IYD: variants seen among roughly 807,000 people sequenced by gnomAD.
IYD encodes the protein iodotyrosine deiodinase, also known as iodotyrosine deiodinase 1.
In IYD, 25 loss-of-function variants were observed where a neutral mutation model predicts 28.4. The observed-to-expected ratio is 0.88, with a 90% confidence interval of 0.64 to 1.23. The LOEUF is 1.23. Among genes scored for constraint, IYD ranks in the 50% most tolerant of loss-of-function variants. IYD has a pLI of 0.00. For missense variants in IYD, 352 were observed against 357.9 expected, an observed-to-expected ratio of 0.98 and a Z score of 0.13; for synonymous variants, 140 against 130.8, an observed-to-expected ratio of 1.07 and a Z score of -0.48.
intron 4 of IYD, among the ~76,000 whole-genome samples, chr6:150,395,151 G>A (rs1778265550): frequency 6.6e-6 from 1 of 152,148 alleles, no homozygotes; most frequent in African/African-American, 2.4e-5. Context: ...GCAGTTCCTG[G>A]GAGCCACTGG....
intron 1 of IYD, among the ~76,000 whole-genome samples, chr6:150,373,008 A>G (rs972712426): frequency 6.6e-6 from 1 of 152,220 alleles, no homozygotes; most frequent in Admixed American, 6.5e-5. Context: ...ATAGAAGTCC[A>G]TAGAAATGGG....
intron 4 of IYD, chr6:150,396,503 A>T: frequency 2.9e-6 from 2 of 699,358 alleles, no homozygotes; most frequent in South Asian, 1.5e-5. Context: ...AAAATTCAGT[A>T]TGGAGTAAAA....
rs1425640694 is a variant in IYD at position 150,404,478 on chromosome 6, T to C, written c.*6241T>C. 2.6e-5 allele frequency: 4 copies of C among 152,240 alleles called. No individual in the cohort carries two copies. Among genetic ancestry groups the C allele is most frequent in the Non-Finnish European group, 5.9e-5 (4 of 68,042 alleles). The allele number at this position is 152,240 out of a possible 1,614,324, so 9.4% of individuals were successfully genotyped here. A position where few individuals can be genotyped will look rare whatever the true frequency, so the allele number is the denominator to read the frequency against. ...TTTAATGTATTAGATTTACAAGAGA[T>C]GCTTAAATATATGAGAATGTTTTGT... On this transcript the variant is annotated 3_prime_UTR_variant, in exon 5 of 5. Coordinates refer to ENST00000344419, the MANE Select transcript of IYD (RefSeq NM_203395.3).
rs112208734 is a variant in IYD, at chr6:150,375,564, G to A, written c.178+6355G>A. Among the ~76,000 whole-genome samples, 416 of 152,270 alleles carry A rather than the reference G, an allele frequency of 2.7e-3. 1 individual carries two copies. The highest frequency in any genetic ancestry group is 6.4e-3 in the African/African-American group (266 of 41,548). On this transcript the variant is annotated intron_variant, in intron 1 of 4. Coordinates refer to ENST00000344419, the MANE Select transcript of IYD (RefSeq NM_203395.3). ...GCATAGGAACAGCGGGGATGCAAACGGTCAGTATCTACTAGTGCTATGAGA... is the reference window on the plus strand; with the variant it reads ...GCATAGGAACAGCGGGGATGCAAACAGTCAGTATCTACTAGTGCTATGAGA...
intron 1 of IYD, among the ~76,000 whole-genome samples, chr6:150,386,982 G>A (rs1031751253): frequency 1.3e-5 from 2 of 151,932 alleles, no homozygotes; most frequent in Non-Finnish European, 2.9e-5. Flanking sequence ...AGTTATTTCT[G>A]TGTTCTTCCC....
At chr6:150,388,922 G>A (rs9322259) in intron 1 of IYD, among the ~76,000 whole-genome samples, 22,951 of 151,922 alleles carry the variant, frequency 0.15, 3,422 homozygotes, top group African/African-American at 0.37. Flanking sequence ...GGCTGGTCTC[G>A]AACTCCCAAC....
rs865990507 is a variant in IYD, at chr6:150,370,611, C to T, written c.178+1402C>T. 8 of 985,410 alleles carry T rather than the reference C, an allele frequency of 8.1e-6. No homozygotes were observed. In the African/African-American group the frequency reaches 1.0e-4, roughly 13 times the overall value. The allele number at this position is 985,410 out of a possible 1,614,324, so 61.0% of individuals were successfully genotyped here. On this transcript the variant is annotated intron_variant, in intron 1 of 4. Transcript: ENST00000344419. ...ACCTCTTCCACTCAGAACGTCAATT[C>T]TACCCAGCGGAGAAGCACTTCCCTT...
intron 4 of IYD, among the ~76,000 whole-genome samples, chr6:150,397,526 T>C (rs1296487982): frequency 7.1e-6 from 1 of 141,374 alleles, no homozygotes; most frequent in East Asian, 2.1e-4. Context: ...GCCGAGATCA[T>C]GCCACTGCAC....
intron 2 of IYD, among the ~76,000 whole-genome samples, chr6:150,390,184 G>A (rs1291586725): frequency 6.6e-6 from 1 of 152,100 alleles, no homozygotes; most frequent in Non-Finnish European, 1.5e-5. Context: ...CCATATTTAA[G>A]TTTATTTGCA....
rs1778481462 is a variant in IYD at position 150,400,631 on chromosome 6, G to A, written c.*2394G>A. 6.6e-6 allele frequency: 1 copy of A among 152,242 alleles called. No homozygotes were observed. Among genetic ancestry groups the A allele is most frequent in the African/African-American group, 2.4e-5 (1 of 41,464 alleles). 9.4% of individuals were successfully genotyped at this position (152,242 alleles called of 1,614,324 possible). A position where few individuals can be genotyped will look rare whatever the true frequency, so the allele number is the denominator to read the frequency against. On this transcript the variant is annotated 3_prime_UTR_variant, in exon 5 of 5. Coordinates refer to ENST00000344419, the MANE Select transcript of IYD (RefSeq NM_203395.3). Reference sequence around the variant, plus strand: ...CTATTTAAGGAGTGAGTGTCACTGTGGGAAGAATAAGAGGGGGACTGTCTT... The same window carrying A: ...CTATTTAAGGAGTGAGTGTCACTGTAGGAAGAATAAGAGGGGGACTGTCTT...
chr6:150,392,547 TA>T (rs1778162071), intron 3 of IYD, 43 bp downstream of exon 3: 1 of 1,595,946 alleles, frequency 6.3e-7, no homozygotes, highest in Non-Finnish European at 8.6e-7. Context: ...CTTGGCCTCT[TA>T]AAATAAAATC....
intron 1 of IYD, among the ~76,000 whole-genome samples, chr6:150,380,327 C>G (rs1777602347): frequency 6.6e-6 from 1 of 152,162 alleles, no homozygotes; most frequent in South Asian, 2.1e-4. Flanking sequence ...ACTACCACTA[C>G]CACTACCACA....
rs564701302 is a variant in IYD, at chr6:150,396,379, G to A, written c.688-1676G>A. 27 of 610,602 alleles carry A rather than the reference G, an allele frequency of 4.4e-5. 1 individual carries two copies. Among genetic ancestry groups the A allele is most frequent in the South Asian group, 4.0e-4 (20 of 49,658 alleles). 37.8% of individuals were successfully genotyped at this position (610,602 alleles called of 1,614,324 possible). A position where few individuals can be genotyped will look rare whatever the true frequency, so the allele number is the denominator to read the frequency against. On this transcript the variant is annotated intron_variant, in intron 4 of 4. Transcript: ENST00000344419. The stretch of plus-strand genomic sequence containing the variant: ...ATAATAAGACCAAAGTACTCACATC[G>A]AGAGAGTGAAAGATAAAATAATAAT...
chr6:150,394,859 C>T (rs1236781694), intron 4 of IYD, among the ~76,000 whole-genome samples: 2 of 152,214 alleles, frequency 1.3e-5, no homozygotes, highest in African/African-American at 2.4e-5. Flanking sequence ...GACAGGGTCT[C>T]ATTGTGTCAC....
intron 1 of IYD, among the ~76,000 whole-genome samples, chr6:150,383,321 CT>C (rs1433132867): frequency 6.6e-6 from 1 of 152,092 alleles, no homozygotes; most frequent in Non-Finnish European, 1.5e-5. Flanking sequence ...GGGATTTTGG[CT>C]TTTGTCATCA....
chr6:150,392,194 A>C, intron 2 of IYD, 151 bp from the exon 3 acceptor site: 1 of 1,106,686 alleles, frequency 9.0e-7, no homozygotes, highest in Non-Finnish European at 1.3e-6. Context: ...ACACCCTGCT[A>C]GTTAAAAAAA....
rs1359788054 is a variant in IYD, at chr6:150,392,635, G to C, written c.530+131G>C. On this transcript the variant is annotated intron_variant, in intron 3 of 4. Coordinates refer to ENST00000344419, the MANE Select transcript of IYD (RefSeq NM_203395.3). Reference sequence around the variant, plus strand: ...TATTCTGCCTCTTGGAGGAATTACGGAAGTTAAGTCCGGGCTCACTCCTGT... The same window carrying C: ...TATTCTGCCTCTTGGAGGAATTACGCAAGTTAAGTCCGGGCTCACTCCTGT... 5 of 923,716 alleles carry C rather than the reference G, an allele frequency of 5.4e-6. No individual in the cohort carries two copies. In the East Asian group the frequency reaches 1.3e-4, roughly 24 times the overall value. The allele number at this position is 923,716 out of a possible 1,614,324, so 57.2% of individuals were successfully genotyped here.
chr6:150,384,190 T>C (rs1777774654), intron 1 of IYD: 2 of 152,186 alleles, frequency 1.3e-5, no homozygotes, highest in South Asian at 2.1e-4. Flanking sequence ...TGTTCTTATC[T>C]AAGTAGGAGT....
intron 1 of IYD, chr6:150,384,294 G>T (rs535097657): frequency 2.0e-5 from 3 of 152,284 alleles, no homozygotes; most frequent in South Asian, 4.1e-4. Context: ...TTGTGTAAAA[G>T]AACCATCTAC....
Sources: allele counts gnomAD v4.1 joint callset (sites outside exome capture counted in the v4.1 genomes callset), GRCh38; gene constraint gnomAD v4.1.1; transcripts MANE v1.5; gene names NCBI Gene and HGNC (gene_info 2026-07-23, HGNC 2026-07-21).